BSG: variants seen among roughly 807,000 people sequenced by gnomAD.
The protein encoded by BSG is basigin (Ok blood group).
BSG carries 37 observed loss-of-function variants against 43.1 expected under a neutral mutation model. The observed-to-expected ratio is 0.86, with a 90% CI of 0.66 to 1.13. BSG has a LOEUF of 1.13. Ranked by LOEUF, BSG falls within the 50% of genes most tolerant of loss-of-function variation. The pLI is 0.00. For missense variants in BSG, 599 were observed against 554.2 expected (o/e 1.08, Z -0.81); for synonymous variants, 309 against 238.7 (o/e 1.29, Z -2.72).
rs1319595061 is a variant in BSG, at chr19:581,614, C to T, written c.1069+23C>T. On this transcript the variant is annotated intron_variant, in intron 6 of 8. Transcript: ENST00000333511. ...ATGGTGAGCCGTCTGCCCTCCTGCC[C>T]ACATGCCCTGCTCTCGGGGTGGCCC... 8 of 1,563,526 alleles carry T rather than the reference C, an allele frequency of 5.1e-6. No homozygotes were observed. In the African/African-American group the frequency reaches 5.4e-5, roughly 11 times the overall value.
chr19:572,459 T>A, upstream of BSG: 7 of 1,159,910 alleles, frequency 6.0e-6, no homozygotes, highest in Non-Finnish European at 7.4e-6. Context: ...GGCGCGTACA[T>A]GCGAGCGTGT....
intron 6 of BSG, 116 bp downstream of exon 6, chr19:581,707 G>A: frequency 2.2e-6 from 3 of 1,354,314 alleles, no homozygotes; most frequent in Non-Finnish European, 2.9e-6. Flanking sequence ...AGGAGCCCCA[G>A]GCAGGGAGTT....
chr19:573,923 C>T lies in BSG; in HGVS notation c.67+1222C>T, dbSNP rs542924300. ...TCCTTTCTTGCTTCATAGAAAATTT[C>T]TTCCTTTGTTGAGACCCCCATTTGG... On this transcript the variant is annotated intron_variant, in intron 1 of 8. Transcript: ENST00000333511. Among the ~76,000 whole-genome samples, 5 of 152,302 alleles carry T rather than the reference C, an allele frequency of 3.3e-5. No individual in the cohort carries two copies. In the South Asian group the frequency reaches 6.2e-4, roughly 19 times the overall value.
rs1168489549 is a variant in BSG at position 578,016 on chromosome 19, G to A, written c.310G>A (p.Gly104Ser). The A allele has an allele frequency of 1.2e-6, 2 of 1,611,808 alleles. No homozygotes were observed. Among genetic ancestry groups the A allele is most frequent in the Admixed American group, 3.3e-5 (2 of 59,936 alleles). Residue 104 changes from glycine (G) to serine (S), a missense_variant, in exon 2 of 9, where the codon GGC becomes AGC. Coordinates refer to ENST00000333511, the MANE Select transcript of BSG (RefSeq NM_001728.4). ...CGACACGCTCGTGGAGGAGGACACG[G>A]GCACTTACGAGTGCCGGGCCAGCAA... Reference protein sequence around the residue: ...SIDTLVEEDTGTYECRASNDP... With the variant: ...SIDTLVEEDTSTYECRASNDP...
chr19:580,595 G>T, intron 4 of BSG, 51 bp from the exon 5 acceptor site: 3 of 1,609,272 alleles, frequency 1.9e-6, no homozygotes, highest in Non-Finnish European at 2.5e-6. Context: ...GGAGGCCGGG[G>T]ATGGGGGCGG....
In BSG at chr19:582,546, G is replaced by T; in HGVS notation, c.1127G>T (p.Gly376Val). 2 of 1,541,596 alleles carry T rather than the reference G, an allele frequency of 1.3e-6. No homozygotes were observed. Among genetic ancestry groups the T allele is most frequent in the East Asian group, 2.6e-5 (1 of 38,930 alleles). Residue 376 changes from glycine (G) to valine (V), a missense_variant, in exon 8 of 9, where the codon GGC becomes GTC. By Grantham distance (109) the Gly-to-Val change is moderately radical. Transcript: ENST00000333511. ...KSSGQHQNDK[G>V]KNVRQRNSS Reference sequence around the variant, plus strand: ...AGCGGGCAGCACCAGAATGACAAAGGCAAGAACGTCCGCCAGAGGAACTCT... The same window carrying T: ...AGCGGGCAGCACCAGAATGACAAAGTCAAGAACGTCCGCCAGAGGAACTCT...
Position 583,020 on chromosome 19 carries a change from G to C in BSG, c.*276G>C. The C allele has an allele frequency of 5.2e-6, 1 of 192,174 alleles. No individual in the cohort carries two copies. Among genetic ancestry groups the C allele is most frequent in the Non-Finnish European group, 1.1e-5 (1 of 91,430 alleles). The allele number at this position is 192,174 out of a possible 1,614,324, so 11.9% of individuals were successfully genotyped here. ...CAGCCTCTGGGTCTGAGTCATGGCCGGGTGGGCGGCACAGCCTTCTCCACT... is the reference window on the plus strand; with the variant it reads ...CAGCCTCTGGGTCTGAGTCATGGCCCGGTGGGCGGCACAGCCTTCTCCACT... On this transcript the variant is annotated 3_prime_UTR_variant, in exon 9 of 9. Coordinates refer to ENST00000333511, the MANE Select transcript of BSG (RefSeq NM_001728.4).
At chr19:582,022 C>G (rs981083858) in intron 6 of BSG, among the ~76,000 whole-genome samples, 38 of 152,368 alleles carry the variant, frequency 2.5e-4, no homozygotes, top group African/African-American at 7.7e-4. Flanking sequence ...TGTGTGGGGC[C>G]TGTGATGGCA....
Position 580,662 on chromosome 19 carries a change from G to A in BSG, c.672G>A (p.Lys224=), listed in dbSNP as rs1017823967. 6.2e-7 allele frequency: 1 copy of A among 1,612,870 alleles called. No homozygotes were observed. Among genetic ancestry groups the A allele is most frequent in the Non-Finnish European group, 8.5e-7 (1 of 1,179,962 alleles). The part of the protein sequence containing the change: ...NIQLHGPPRV[K]AVKSSEHINE... Reference sequence around the variant, plus strand: ...TCCTGTCAGGGCCTCCCAGAGTGAAGGCTGTGAAGTCGTCAGAACACATCA... The same window carrying A: ...TCCTGTCAGGGCCTCCCAGAGTGAAAGCTGTGAAGTCGTCAGAACACATCA... The change falls in exon 5 of 9, where the codon AAG becomes AAA. Residue 224 remains lysine (K), a synonymous_variant. Transcript: ENST00000333511.
chr19:580,247 T>G, intron 3 of BSG, 132 bp from the exon 4 acceptor site: 1 of 777,846 alleles, frequency 1.3e-6, no homozygotes, highest in Non-Finnish European at 2.1e-6. Flanking sequence ...CCAGGAGTTC[T>G]TTTGAGGTTC....
In BSG at chr19:582,310, C is replaced by T. The variant is rs112152563; in HGVS notation, c.1074C>T (p.Asp358=). 1.0e-4 allele frequency: 163 copies of T among 1,603,050 alleles called. 1 individual carries two copies. In the African/African-American group the frequency reaches 1.8e-3, roughly 18 times the overall value. Residue 358 remains aspartate (D), a synonymous_variant, in exon 7 of 9, where the codon GAC becomes GAT. Transcript: ENST00000333511. ...ATGGCGGCGGTCCTTCTTCAGATGACGACGCCGGCTCTGCACCCCTGTAAG... is the reference window on the plus strand; with the variant it reads ...ATGGCGGCGGTCCTTCTTCAGATGATGACGCCGGCTCTGCACCCCTGTAAG... The part of the protein sequence containing the change: ...RRKPEDVLDD[D]DAGSAPLKSS...
At chr19:579,832 G>A (rs923858703) in intron 3 of BSG, 176 bp downstream of exon 3, 84 of 972,944 alleles carry the variant, frequency 8.6e-5, no homozygotes, top group Admixed American at 3.5e-4. Flanking sequence ...TCTGAGGGGC[G>A]TCCTTGTGAG....
At position 581,358 on chromosome 19, in the gene BSG, C is replaced by T. The variant is rs754674816; in HGVS notation, c.836C>T (p.Ser279Leu). The change falls in exon 6 of 9, where the codon TCG (serine) becomes TTG (leucine). Residue 279 changes from serine (S) to leucine (L), a missense_variant. Coordinates refer to ENST00000333511, the MANE Select transcript of BSG (RefSeq NM_001728.4). ...GAGAGCAGGTTCTTCGTGAGTTCCT[C>T]GCAGGGCCGGTCAGAGCTACACATT... ...GSESRFFVSS[S>L]QGRSELHIEN... is the part of the protein sequence containing the mutation. 22 of 1,612,698 alleles carry T rather than the reference C, an allele frequency of 1.4e-5. No individual in the cohort carries two copies. Among genetic ancestry groups the T allele is most frequent in the South Asian group, 1.1e-4 (10 of 91,082 alleles).
chr19:579,510 C>T lies in BSG; in HGVS notation c.426C>T (p.Val142=), dbSNP rs771533283. 8 of 1,612,670 alleles carry T rather than the reference C, an allele frequency of 5.0e-6. No homozygotes were observed. The highest frequency in any genetic ancestry group is 6.8e-6 in the Non-Finnish European group (8 of 1,179,922). ...CGCCGGGCCTTGCAGCCGGCACAGT[C>T]TTCACTACCGTAGAAGACCTTGGCT... ...AVVLVLEPGT[V]FTTVEDLGSK... is the part of the protein sequence containing the mutation. Residue 142 remains valine, a synonymous_variant, in exon 3 of 9, where the codon GTC becomes GTT. Coordinates refer to ENST00000333511, the MANE Select transcript of BSG (RefSeq NM_001728.4).
intron 2 of BSG, 22 bp from the exon 3 acceptor site, chr19:579,478 C>A: frequency 6.2e-7 from 1 of 1,611,670 alleles, no homozygotes; most frequent in African/African-American, 1.3e-5. Context: ...CTCTGCTGAC[C>A]GCGTCTCGCC....
chr19:579,604 G>C lies in BSG; in HGVS notation c.520G>C (p.Gly174Arg), dbSNP rs367570309. The C allele has an allele frequency of 9.3e-6, 15 of 1,612,484 alleles. No homozygotes were observed. The highest frequency in any genetic ancestry group is 3.3e-5 in the Admixed American group (2 of 59,990). ...TEVTGHRWLK[G>R]GVVLKEDALP... ...GGTCACAGGGCACCGCTGGCTGAAG[G>C]GGGGCGTGGTGCTGAAGGAGGACGC... Residue 174 changes from glycine (G) to arginine (R), a missense_variant, in exon 3 of 9, where the codon GGG becomes CGG. Coordinates refer to ENST00000333511, the MANE Select transcript of BSG (RefSeq NM_001728.4).
At chr19:578,266 G>C in intron 2 of BSG, 145 bp downstream of exon 2, 2 of 870,174 alleles carry the variant, frequency 2.3e-6, no homozygotes, top group Non-Finnish European at 1.6e-6. Context: ...GGACGGAGGG[G>C]CCCGGACCTG....
At chr19:580,288 C>T (rs1982166986) in intron 3 of BSG, 91 bp from the exon 4 acceptor site, 9 of 1,204,374 alleles carry the variant, frequency 7.5e-6, no homozygotes, top group Non-Finnish European at 1.1e-5. Flanking sequence ...TGCTTTTTCA[C>T]TGTGCCGTGG....
intron 1 of BSG, 139 bp downstream of exon 1, chr19:572,840 C>A: frequency 9.5e-7 from 1 of 1,049,176 alleles, no homozygotes; most frequent in Non-Finnish European, 1.2e-6. Flanking sequence ...CCGGGGGCTT[C>A]CCGCGCCAGC....
Sources: allele counts gnomAD v4.1 joint callset (sites outside exome capture counted in the v4.1 genomes callset), GRCh38; gene constraint gnomAD v4.1.1; transcripts MANE v1.5; gene names NCBI Gene and HGNC (gene_info 2026-07-23, HGNC 2026-07-21).